CMTM4: variants seen among roughly 807,000 people sequenced by gnomAD.
The protein encoded by CMTM4 is CKLF-like MARVEL transmembrane domain-containing protein 4.
CMTM4 carries 8 observed loss-of-function variants against 19.0 expected under a neutral mutation model. That is an observed-to-expected ratio of 0.42 (90% CI 0.25 to 0.76). CMTM4 has a LOEUF of 0.76. Among genes scored for constraint, CMTM4 ranks in the 30% least tolerant of loss-of-function variants. The pLI is 0.27. For missense variants in CMTM4, 228 were observed against 290.2 expected (o/e 0.79, Z 1.56); for synonymous variants, 106 against 121.1 (o/e 0.88, Z 0.82).
chr16:66,651,698 T>G (rs1005952066), intron 1 of CMTM4, among the ~76,000 whole-genome samples: 4 of 152,214 alleles, frequency 2.6e-5, no homozygotes, highest in African/African-American at 9.6e-5. Flanking sequence ...GTGCTGAGAC[T>G]CTGACAAAGC....
chr16:66,606,530 C>A, the CMTM4 span, among the ~76,000 whole-genome samples: 2 of 152,180 alleles, frequency 1.3e-5, no homozygotes, highest in Admixed American at 1.3e-4. Flanking sequence ...CCCTGCAGTT[C>A]ATTTGTCTGA....
chr16:66,598,710 T>C, the CMTM4 span, among the ~76,000 whole-genome samples: 1 of 152,220 alleles, frequency 6.6e-6, no homozygotes, highest in Non-Finnish European at 1.5e-5. Context: ...GCATGCTGTC[T>C]GCAGAATGCA....
Position 66,618,155 on chromosome 16 carries a change from G to C in CMTM4, c.*3903C>G, listed in dbSNP as rs1015059277. 1 of 985,456 alleles carries C rather than the reference G, an allele frequency of 1.0e-6. No homozygotes were observed. Among genetic ancestry groups the C allele is most frequent in the Non-Finnish European group, 1.2e-6 (1 of 829,934 alleles). 61.0% of individuals were successfully genotyped at this position (985,456 alleles called of 1,614,324 possible). A position where few individuals can be genotyped will look rare whatever the true frequency, so the allele number is the denominator to read the frequency against. On this transcript the variant is annotated 3_prime_UTR_variant, in exon 4 of 4. Transcript: ENST00000394106. Reference sequence around the variant, plus strand: ...TCACTAGGAAATAACAAGGCACCTAGAGACTTCACAAGCTAATGGCAGTCC... The same window carrying C: ...TCACTAGGAAATAACAAGGCACCTACAGACTTCACAAGCTAATGGCAGTCC...
At chr16:66,603,012 C>G in the CMTM4 span, among the ~76,000 whole-genome samples, 30 of 152,244 alleles carry the variant, frequency 2.0e-4, no homozygotes, top group African/African-American at 7.2e-4. Flanking sequence ...CATTTAACAT[C>G]AAGAGAAAAA....
chr16:66,636,372 C>G (rs756825281), intron 2 of CMTM4, 33 bp downstream of exon 2: 1 of 1,585,246 alleles, frequency 6.3e-7, no homozygotes, highest in Non-Finnish European at 8.6e-7. Flanking sequence ...GGCACGTGAT[C>G]CTTTCATGGC....
At chr16:66,640,950 A>G (rs916611422) in intron 1 of CMTM4, among the ~76,000 whole-genome samples, 1 of 152,220 alleles carries the variant, frequency 6.6e-6, no homozygotes, top group Non-Finnish European at 1.5e-5. Context: ...ACATAGCCCT[A>G]GCCAAAAGCT....
intron 1 of CMTM4, among the ~76,000 whole-genome samples, chr16:66,684,183 T>C (rs923690769): frequency 6.6e-6 from 1 of 152,088 alleles, no homozygotes; most frequent in Non-Finnish European, 1.5e-5. Flanking sequence ...CCTCTTTTTT[T>C]CGTTTTTGAG....
the CMTM4 span, among the ~76,000 whole-genome samples, chr16:66,607,105 G>A: frequency 6.6e-6 from 1 of 152,236 alleles, no homozygotes; most frequent in South Asian, 2.1e-4. Flanking sequence ...AAGTGGGGCT[G>A]TGCTCATGGG....
downstream of CMTM4, chr16:66,613,066 C>T (rs201176748): frequency 8.5e-5 from 60 of 703,000 alleles, no homozygotes; most frequent in East Asian, 2.7e-4. Context: ...CGCCAGGCCC[C>T]GGTGGGTTTG....
intron 1 of CMTM4, among the ~76,000 whole-genome samples, chr16:66,654,909 G>C (rs2016370395): frequency 6.6e-6 from 1 of 152,170 alleles, no homozygotes; most frequent in Non-Finnish European, 1.5e-5. Context: ...AGAGCCCTCA[G>C]ATATATTTCC....
chr16:66,675,321 T>C (rs2016790773), intron 1 of CMTM4, among the ~76,000 whole-genome samples: 2 of 151,962 alleles, frequency 1.3e-5, no homozygotes, highest in East Asian at 1.9e-4. Context: ...CCTCAGGTGA[T>C]CCATCCTCTT....
intron 1 of CMTM4, among the ~76,000 whole-genome samples, chr16:66,677,089 T>G (rs1055371388): frequency 6.6e-6 from 1 of 151,934 alleles, no homozygotes; most frequent in Non-Finnish European, 1.5e-5. Context: ...AAACACAAAA[T>G]TAGCCAGGCG....
chr16:66,635,856 C>T (rs967809220), intron 2 of CMTM4, among the ~76,000 whole-genome samples: 4 of 152,168 alleles, frequency 2.6e-5, no homozygotes, highest in African/African-American at 9.7e-5. Context: ...ATCTGATTAA[C>T]AAGGGTGGCC....
chr16:66,613,136 T>C (rs907423213), downstream of CMTM4: 48 of 702,994 alleles, frequency 6.8e-5, no homozygotes, highest in African/African-American at 6.3e-4. Flanking sequence ...CTTCCAAGAA[T>C]CTTTGGTTCA....
At chr16:66,651,216 G>C (rs538066563) in intron 1 of CMTM4, among the ~76,000 whole-genome samples, 89 of 152,202 alleles carry the variant, frequency 5.8e-4, no homozygotes, top group African/African-American at 2.1e-3. Flanking sequence ...TCCTGGAGCC[G>C]GAACTACAGA....
chr16:66,632,685 C>T (rs957108231), intron 2 of CMTM4, among the ~76,000 whole-genome samples: 11 of 151,976 alleles, frequency 7.2e-5, no homozygotes, highest in African/African-American at 2.7e-4. Context: ...TTTTAGATAG[C>T]GCCACATCCC....
chr16:66,689,663 T>G (rs1474890189), intron 1 of CMTM4, among the ~76,000 whole-genome samples: 1 of 152,314 alleles, frequency 6.6e-6, no homozygotes, highest in East Asian at 1.9e-4. Context: ...TGCCTCGGCC[T>G]CCCAAAGTGC....
At chr16:66,625,209 C>T (rs949785864) in intron 2 of CMTM4, among the ~76,000 whole-genome samples, 4 of 151,856 alleles carry the variant, frequency 2.6e-5, no homozygotes, top group African/African-American at 4.8e-5. Context: ...CCGAGGCGGG[C>T]GGATCACCTG....
At chr16:66,684,626 C>T (rs866173484) in intron 1 of CMTM4, among the ~76,000 whole-genome samples, 5 of 152,290 alleles carry the variant, frequency 3.3e-5, no homozygotes, top group Middle Eastern at 6.8e-3. Flanking sequence ...CAACCCACTG[C>T]TTTAAGTTGA....
Sources: allele counts gnomAD v4.1 joint callset (sites outside exome capture counted in the v4.1 genomes callset), GRCh38; gene constraint gnomAD v4.1.1; transcripts MANE v1.5; gene names NCBI Gene and HGNC (gene_info 2026-07-23, HGNC 2026-07-21).